LIMD1: variants seen among roughly 807,000 people sequenced by gnomAD.
LIMD1 encodes the protein LIM domain containing 1.
A neutral mutation model predicts 58.4 loss-of-function variants in LIMD1; 23 were observed. That is an observed-to-expected ratio of 0.39 (90% CI 0.28 to 0.56). LIMD1 has a LOEUF of 0.56. LIMD1 is among the 20% of genes least tolerant of loss of function. LIMD1 has a pLI of 0.57. For synonymous variants in LIMD1, 334 were observed against 345.5 expected, an observed-to-expected ratio of 0.97 and a Z score of 0.37; for missense variants, 838 against 855.5, an observed-to-expected ratio of 0.98 and a Z score of 0.25.
chr3:45,595,417 T>C lies in LIMD1; in HGVS notation c.538T>C (p.Tyr180His). The C allele has an allele frequency of 1.2e-6, 2 of 1,614,038 alleles. No individual in the cohort carries two copies. Among genetic ancestry groups the C allele is most frequent in the Non-Finnish European group, 1.7e-6 (2 of 1,179,996 alleles). ...TTCCTGCCTCACTCATGGAGACTAT[T>C]ATGACAACCTCTCCTTGGCAAGCCC... ...DPSCLTHGDY[Y>H]DNLSLASPKW... Residue 180 changes from tyrosine to histidine, a missense_variant, in exon 1 of 8, where the codon TAT becomes CAT. Around this residue, in one of 3 missense-constraint regions of LIMD1, gnomAD observed 659 missense variants for 639.8 expected, o/e 1.03. Coordinates refer to ENST00000273317, the MANE Select transcript of LIMD1 (RefSeq NM_014240.3).
intron 2 of LIMD1, among the ~76,000 whole-genome samples, chr3:45,664,095 T>C (rs1216408642): frequency 6.6e-6 from 1 of 152,084 alleles, no homozygotes; most frequent in Non-Finnish European, 1.5e-5. Flanking sequence ...GATCTCGAAC[T>C]CCTGACCTCA....
rs576467226 is a variant in LIMD1, at chr3:45,597,065, C to T, written c.1408+778C>T. Among the ~76,000 whole-genome samples the T allele has an allele frequency of 9.2e-4, 140 of 151,826 alleles. 1 individual carries two copies. The highest frequency in any genetic ancestry group is 7.1e-3 in the South Asian group (34 of 4,796). On this transcript the variant is annotated intron_variant, in intron 1 of 7. Coordinates refer to ENST00000273317, the MANE Select transcript of LIMD1 (RefSeq NM_014240.3). ...TAAGTAGAGACAGGGTTTCACTGCG[C>T]TAGCCAGGATGTTCTCAATCTCCTG...
intron 2 of LIMD1, among the ~76,000 whole-genome samples, chr3:45,663,015 G>T (rs904329441): frequency 1.9e-4 from 29 of 152,026 alleles, no homozygotes; most frequent in African/African-American, 6.7e-4. Context: ...ACTAGTTTGT[G>T]TATGTGTGTG....
At chr3:45,609,895 G>A (rs1701506911) in intron 1 of LIMD1, among the ~76,000 whole-genome samples, 2 of 152,124 alleles carry the variant, frequency 1.3e-5, no homozygotes, top group Admixed American at 6.5e-5. Flanking sequence ...GGTACCCAGT[G>A]GAAACTTACT....
At chr3:45,635,335 G>A (rs1249808152) in intron 1 of LIMD1, among the ~76,000 whole-genome samples, 2 of 152,090 alleles carry the variant, frequency 1.3e-5, no homozygotes, top group African/African-American at 2.4e-5. Flanking sequence ...GGAAGGAATC[G>A]TGGGGCAGGC....
chr3:45,649,606 A>C (rs1162391405), intron 2 of LIMD1, among the ~76,000 whole-genome samples: 1 of 150,160 alleles, frequency 6.7e-6, no homozygotes, highest in Non-Finnish European at 1.5e-5. Flanking sequence ...GCGTGAACGC[A>C]GGAGGCAGAG....
chr3:45,670,914 T>C (rs1697579352), intron 4 of LIMD1, among the ~76,000 whole-genome samples: 1 of 152,244 alleles, frequency 6.6e-6, no homozygotes, highest in Non-Finnish European at 1.5e-5. Context: ...GAGGGGTACA[T>C]TCTGGGCTTG....
At chr3:45,613,181 C>G (rs374724554) in intron 1 of LIMD1, among the ~76,000 whole-genome samples, 2 of 152,146 alleles carry the variant, frequency 1.3e-5, no homozygotes. Context: ...TCTTCAGGCA[C>G]GAGCTACAGG....
At chr3:45,660,476 C>T (rs1325332568) in intron 2 of LIMD1, among the ~76,000 whole-genome samples, 1 of 139,604 alleles carries the variant, frequency 7.2e-6, no homozygotes. Context: ...AGTGCAATGG[C>T]GCGATCTTAG....
chr3:45,648,522 A>T (rs1313760849), intron 2 of LIMD1, among the ~76,000 whole-genome samples: 1 of 152,210 alleles, frequency 6.6e-6, no homozygotes, highest in Non-Finnish European at 1.5e-5. Flanking sequence ...TTTGGCTATT[A>T]TAAATAATGT....
chr3:45,623,207 T>A (rs6770412), intron 1 of LIMD1, among the ~76,000 whole-genome samples: 67,767 of 152,002 alleles, frequency 0.45, 16,703 homozygotes, highest in African/African-American at 0.67. Context: ...CGTATTAGAG[T>A]TGAGAAAGCT....
rs1697751017 is a variant in LIMD1, at chr3:45,681,965, G to C, written c.*4906G>C. ...AATCCTCAAGGCGAGTGATCCTTCA[G>C]GTTTGAGACAGCCACATGCAGGAAG... On this transcript the variant is annotated 3_prime_UTR_variant, in exon 8 of 8. Transcript: ENST00000273317. 6.6e-6 allele frequency: 1 copy of C among 152,200 alleles called. No homozygotes were observed. 9.4% of individuals were successfully genotyped at this position (152,200 alleles called of 1,614,324 possible). A position where few individuals can be genotyped will look rare whatever the true frequency, so the allele number is the denominator to read the frequency against.
At chr3:45,649,139 G>A (rs1443448389) in intron 2 of LIMD1, among the ~76,000 whole-genome samples, 1 of 152,060 alleles carries the variant, frequency 6.6e-6, no homozygotes, top group Non-Finnish European at 1.5e-5. Flanking sequence ...AAAGATTCAT[G>A]TCCATGTTTT....
intron 2 of LIMD1, among the ~76,000 whole-genome samples, chr3:45,641,362 G>C (rs2125660177): frequency 6.6e-6 from 1 of 152,008 alleles, no homozygotes; most frequent in East Asian, 1.9e-4. Flanking sequence ...ATCTTATCTT[G>C]GTTATTGATA....
chr3:45,604,586 C>G (rs758061345), intron 1 of LIMD1, among the ~76,000 whole-genome samples: 1 of 152,154 alleles, frequency 6.6e-6, no homozygotes, highest in African/African-American at 2.4e-5. Context: ...TCTGGCCCAC[C>G]CCTCCTGTGC....
chr3:45,610,842 C>G (rs928518570), intron 1 of LIMD1, among the ~76,000 whole-genome samples: 3 of 152,166 alleles, frequency 2.0e-5, no homozygotes, highest in Admixed American at 1.3e-4. Context: ...GCTTTTGAAG[C>G]ACATCTGGAT....
chr3:45,641,948 G>A (rs150072373), intron 2 of LIMD1, among the ~76,000 whole-genome samples: 1 of 152,338 alleles, frequency 6.6e-6, no homozygotes, highest in African/African-American at 2.4e-5. Flanking sequence ...GACACTGTCT[G>A]GTGACAGGCT....
intron 2 of LIMD1, among the ~76,000 whole-genome samples, chr3:45,656,222 ATTG>A (rs138444060): frequency 0.11 from 16,777 of 152,152 alleles, 1,256 homozygotes; most frequent in Middle Eastern, 0.21. Context: ...ATAAATGTCT[ATTG>A]TTTAAGCTAC....
At chr3:45,621,356 A>G (rs1291471840) in intron 1 of LIMD1, among the ~76,000 whole-genome samples, 3 of 151,956 alleles carry the variant, frequency 2.0e-5, no homozygotes, top group Admixed American at 1.3e-4. Flanking sequence ...CAGCCTCCCA[A>G]GTGGCTGGGT....
Sources: gnomAD v4.1 joint callset for allele counts (sites outside exome capture counted in the v4.1 genomes callset) on GRCh38, gnomAD v4.1.1 for gene constraint, gnomAD v4.1.1 regional missense constraint, MANE v1.5 for transcripts, NCBI Gene and HGNC (gene_info 2026-07-23, HGNC 2026-07-21) for gene names.